FAM50A: variants seen among roughly 807,000 people sequenced by gnomAD.
The protein encoded by FAM50A is protein FAM50A.
FAM50A carries 6 observed loss-of-function variants against 35.5 expected under a neutral mutation model. The observed-to-expected ratio is 0.17, with a 90% CI of 0.09 to 0.33. The LOEUF (loss-of-function observed/expected upper bound fraction) is 0.33. Among genes scored for constraint, FAM50A ranks in the 10% least tolerant of loss-of-function variants. The pLI is 1.00. For synonymous variants in FAM50A, 120 were observed against 110.9 expected (o/e 1.08, Z -0.52); for missense variants, 145 against 295.5 (o/e 0.49, Z 3.73).
intron 3 of FAM50A, 46 bp from the exon 4 acceptor site, chrX:154,446,369 G>A (rs1557199818): frequency 1.7e-6 from 2 of 1,154,414 alleles, no homozygotes; most frequent in Admixed American, 2.2e-5. Flanking sequence ...CTGGGTCAGG[G>A]TCGGGAAGGA....
chrX:154,447,562 G>A (rs1337695953), intron 4 of FAM50A, among the ~76,000 whole-genome samples: 2 of 112,384 alleles, frequency 1.8e-5, no homozygotes, highest in African/African-American at 6.5e-5. Context: ...TCACCATTGC[G>A]GCAGGCGCAC....
rs782527911 is a variant in FAM50A at position 154,445,924 on chromosome X, G to A, written c.296+13G>A. ...AGGAGCTGCAGATGTGGGTCCTCTC[G>A]CCGCAGCCCTCAACATGGAGCTAGT... On this transcript the variant is annotated intron_variant, in intron 3 of 12. Transcript: ENST00000393600. 2 of 1,168,058 alleles carry A rather than the reference G, an allele frequency of 1.7e-6. No individual in the cohort carries two copies. The highest frequency in any genetic ancestry group is 3.6e-5 in the South Asian group (2 of 55,371).
intron 1 of FAM50A, 62 bp downstream of exon 1, chrX:154,444,408 G>C: frequency 2.7e-6 from 2 of 752,765 alleles, no homozygotes; most frequent in Non-Finnish European, 3.6e-6. Flanking sequence ...CCCGCGCCAC[G>C]CTCCGGCCCT....
chrX:154,446,007 T>C, intron 3 of FAM50A, 96 bp downstream of exon 3: 1 of 628,737 alleles, frequency 1.6e-6, no homozygotes, highest in Non-Finnish European at 2.6e-6. Context: ...GGACCCTGTC[T>C]CCAGCTTTGG....
rs782370131 is a variant in FAM50A, at chrX:154,449,361, G to C, written c.725+64G>C. On this transcript the variant is annotated intron_variant, in intron 8 of 12. Coordinates refer to ENST00000393600, the MANE Select transcript of FAM50A (RefSeq NM_004699.4). ...ACCTGTGGCTCCAGCCTGGGTGCCA[G>C]ACACCCAGTGTGATGTGGGCGCTGT... is the stretch of plus-strand genomic sequence containing the variant. 8.4e-6 allele frequency: 8 copies of C among 949,504 alleles called. No homozygotes were observed. The African/African-American group carries it at 1.5e-4, about 18-fold the overall frequency. The allele number at this position is 949,504 out of a possible 1,213,427, so 78.2% of individuals were successfully genotyped here.
chrX:154,448,249 G>A (rs1326574501), intron 4 of FAM50A, among the ~76,000 whole-genome samples: 2 of 106,758 alleles, frequency 1.9e-5, no homozygotes, highest in Non-Finnish European at 3.9e-5. Context: ...TTGAGTTTTA[G>A]TAGAGACGAG....
In FAM50A at chrX:154,448,072, C is replaced by CTTTTTTTTTTTTT. The variant is rs781847663; in HGVS notation, c.443-410_443-398dup. On this transcript the variant is annotated intron_variant, in intron 4 of 12. Transcript: ENST00000393600. ...TGTTGTTCTTTTCTTTTTTTTCTTTCTTTTTTTTTTTTTTGAGATGAGGTC... is the reference window on the plus strand; with the variant it reads ...TGTTGTTCTTTTCTTTTTTTTCTTTCTTTTTTTTTTTTTTTTTTTTTTTTTTTGAGATGAGGTC... Among the ~76,000 whole-genome samples, 39 of 82,845 alleles carry CTTTTTTTTTTTTT rather than the reference C, an allele frequency of 4.7e-4. 2 individuals are homozygous for CTTTTTTTTTTTTT. Among genetic ancestry groups the CTTTTTTTTTTTTT allele is most frequent in the African/African-American group, 1.9e-3 (35 of 18,013 alleles). 71.9% of individuals were successfully genotyped at this position (82,845 alleles called of 115,157 possible).
At chrX:154,445,769 G>A (rs781792574) in intron 2 of FAM50A, 43 bp from the exon 3 acceptor site, 1 of 1,192,341 alleles carries the variant, frequency 8.4e-7, no homozygotes, top group Non-Finnish European at 1.1e-6. Flanking sequence ...CTCTTCCGCT[G>A]GCCCTGCGAC....
At position 154,444,387 on chromosome X, in the gene FAM50A, T is replaced by TG. The variant is rs2068773068; in HGVS notation, c.111+41_111+42insG. 1.5e-5 allele frequency: 11 copies of TG among 745,554 alleles called. No homozygotes were observed. The East Asian group carries it at 5.9e-4, about 40-fold the overall frequency. The allele number at this position is 745,554 out of a possible 1,213,427, so 61.4% of individuals were successfully genotyped here. A position where few individuals can be genotyped will look rare whatever the true frequency, so the allele number is the denominator to read the frequency against. ...CCTCGGAGCATGCGCGCTGCCCAGG[T>TG]CCCCGGCGGCCCCGCGCCACGCTCC... On this transcript the variant is annotated intron_variant, in intron 1 of 12. Coordinates refer to ENST00000393600, the MANE Select transcript of FAM50A (RefSeq NM_004699.4).
intron 4 of FAM50A, 131 bp downstream of exon 4, chrX:154,446,691 A>G: frequency 1.1e-6 from 1 of 934,664 alleles, no homozygotes; most frequent in Non-Finnish European, 1.4e-6. Flanking sequence ...CACCGCGCAC[A>G]GTAGACCGGG....
rs782485112 is a variant in FAM50A at position 154,449,292 on chromosome X, G to A, written c.720G>A (p.Glu240=). The change falls in exon 8 of 13, where the codon GAG becomes GAA. Residue 240 remains glutamate (E), a synonymous_variant. Coordinates refer to ENST00000393600, the MANE Select transcript of FAM50A (RefSeq NM_004699.4). ...AGATCCTTCGGAAAGACTTCAGTGAGCTGAGGTGTGAGGTGTGCGTGTGTG... is the reference window on the plus strand; with the variant it reads ...AGATCCTTCGGAAAGACTTCAGTGAACTGAGGTGTGAGGTGTGCGTGTGTG... ...ALEILRKDFS[E]LRSAGVEQLM... 2.8e-5 allele frequency: 34 copies of A among 1,203,159 alleles called. No individual in the cohort carries two copies. The highest frequency in any genetic ancestry group is 3.6e-5 in the Non-Finnish European group (32 of 887,867).
chrX:154,446,025 G>A, intron 3 of FAM50A, 114 bp downstream of exon 3: 1 of 530,885 alleles, frequency 1.9e-6, no homozygotes, highest in South Asian at 2.8e-5. Flanking sequence ...TGGGACAGGG[G>A]TAGCATCTAG....
At chrX:154,446,175 C>T (rs1278898296) in intron 3 of FAM50A, 2 of 448,797 alleles carry the variant, frequency 4.5e-6, no homozygotes, top group Non-Finnish European at 3.9e-6. Flanking sequence ...CTGCGTTCTC[C>T]CCATTGCCAG....
In FAM50A at chrX:154,448,285, C is replaced by T. The variant is rs189479987; in HGVS notation, c.443-199C>T. ...GTCTTGCTATGTTGCCCATGCTGGT[C>T]TCCACCTCCTGGGCTCAAGTGATCC... On this transcript the variant is annotated intron_variant, in intron 4 of 12. Coordinates refer to ENST00000393600, the MANE Select transcript of FAM50A (RefSeq NM_004699.4). 3.8e-3 allele frequency among the ~76,000 whole-genome samples: 410 copies of T among 108,611 alleles called. 1 individual carries two copies. The highest frequency in any genetic ancestry group is 5.9e-3 in the Non-Finnish European group (311 of 52,382). 94.3% of individuals were successfully genotyped at this position (108,611 alleles called of 115,157 possible). A position where few individuals can be genotyped will look rare whatever the true frequency, so the allele number is the denominator to read the frequency against.
chrX:154,449,761 G>A (rs782208289), intron 9 of FAM50A, 26 bp downstream of exon 9: 4 of 1,194,134 alleles, frequency 3.3e-6, no homozygotes, highest in Non-Finnish European at 3.4e-6. Context: ...CCCAGTACCC[G>A]CAGTGGGTGC....
rs1456364844 is a variant in FAM50A, at chrX:154,444,223, CGCCGCCGCT to C, written c.-9_-1del. On this transcript the variant is annotated 5_prime_UTR_variant, in exon 1 of 13. Transcript: ENST00000393600. The stretch of plus-strand genomic sequence containing the variant: ...CGCCGCCCGCCGCCGCCGCCGCCGC[CGCCGCCGCT>C]GCCATGGCTCAATACAAGGGCGCCG... 1 of 858,168 alleles carries C rather than the reference CGCCGCCGCT, an allele frequency of 1.2e-6. No homozygotes were observed. Among genetic ancestry groups the C allele is most frequent in the East Asian group, 6.0e-5 (1 of 16,687 alleles). The allele number at this position is 858,168 out of a possible 1,213,427, so 70.7% of individuals were successfully genotyped here. A position where few individuals can be genotyped will look rare whatever the true frequency, so the allele number is the denominator to read the frequency against.
chrX:154,445,015 C>T (rs1406430300), intron 1 of FAM50A: 2 of 112,623 alleles, frequency 1.8e-5, no homozygotes, highest in East Asian at 5.6e-4. Flanking sequence ...AGAGCAGGCT[C>T]CTGCCTGGGG....
At position 154,444,182 on chromosome X, in the gene FAM50A, TCGCTGTCGCCGCCGCCGCCGCC is replaced by T. The variant is rs1226555450; in HGVS notation, c.-50_-29del. ...GCCACCGCCGCTGCCGCTGCCGCTG[TCGCTGTCGCCGCCGCCGCCGCC>T]CGCCGCCGCCGCCGCCGCCGCCGCC... On this transcript the variant is annotated 5_prime_UTR_variant, in exon 1 of 13. Coordinates refer to ENST00000393600, the MANE Select transcript of FAM50A (RefSeq NM_004699.4). 3.6e-5 allele frequency: 16 copies of T among 444,496 alleles called. No homozygotes were observed. Among genetic ancestry groups the T allele is most frequent in the Admixed American group, 8.9e-5 (1 of 11,209 alleles). 36.6% of individuals were successfully genotyped at this position (444,496 alleles called of 1,213,427 possible). A position where few individuals can be genotyped will look rare whatever the true frequency, so the allele number is the denominator to read the frequency against.
chrX:154,446,012 CTT>C, intron 3 of FAM50A, 101 bp downstream of exon 3: 1 of 594,328 alleles, frequency 1.7e-6, no homozygotes, highest in Non-Finnish European at 2.8e-6. Context: ...CTGTCTCCAG[CTT>C]TGGGACAGGG....
Sources: gnomAD v4.1 joint callset for allele counts (sites outside exome capture counted in the v4.1 genomes callset) on GRCh38, gnomAD v4.1.1 for gene constraint, MANE v1.5 for transcripts, NCBI Gene and HGNC (gene_info 2026-07-23, HGNC 2026-07-21) for gene names.